EDIL3: variants seen among roughly 807,000 people sequenced by gnomAD.
The protein encoded by EDIL3 is EGF-like repeat and discoidin I-like domain-containing protein 3.
Under a neutral mutation model 67.4 loss-of-function variants are expected in EDIL3, and 37 were observed. The observed-to-expected ratio is 0.55, with a 90% CI of 0.42 to 0.72. The LOEUF is 0.72. Among genes scored for constraint, EDIL3 ranks in the 30% least tolerant of loss-of-function variants. The pLI, the probability that EDIL3 is intolerant of heterozygous loss-of-function variation, is 0.00. For synonymous variants in EDIL3, 195 were observed against 196.3 expected (o/e 0.99, Z 0.05); for missense variants, 527 against 586.3 (o/e 0.90, Z 1.04).
At chr5:83,993,797 T>C (rs1370077363) in intron 9 of EDIL3, among the ~76,000 whole-genome samples, 1 of 152,024 alleles carries the variant, frequency 6.6e-6, no homozygotes, top group Non-Finnish European at 1.5e-5. Flanking sequence ...GATAAGGGAG[T>C]GAGTGTGTTC....
chr5:84,205,605 A>T (rs961245796), intron 3 of EDIL3, among the ~76,000 whole-genome samples: 1 of 152,058 alleles, frequency 6.6e-6, no homozygotes, highest in Non-Finnish European at 1.5e-5. Context: ...TTATTGGTCT[A>T]TTCAGAGATT....
intron 9 of EDIL3, among the ~76,000 whole-genome samples, chr5:84,007,859 C>G (rs898676494): frequency 1.3e-5 from 2 of 152,036 alleles, no homozygotes; most frequent in Non-Finnish European, 2.9e-5. Context: ...TTCACAAGAG[C>G]CAAGATTTGG....
intron 1 of EDIL3, among the ~76,000 whole-genome samples, chr5:84,373,183 A>G (rs1747891982): frequency 6.6e-6 from 1 of 152,042 alleles, no homozygotes; most frequent in South Asian, 2.1e-4. Flanking sequence ...ACACCCCGTC[A>G]TTCCTTAAAG....
chr5:84,190,544 T>C (rs1743557500), intron 3 of EDIL3, among the ~76,000 whole-genome samples: 1 of 53,706 alleles, frequency 1.9e-5, no homozygotes, highest in African/African-American at 7.9e-5. Flanking sequence ...TACATATATA[T>C]ATATATATGT....
chr5:84,287,889 C>T (rs1045234632), intron 1 of EDIL3, among the ~76,000 whole-genome samples: 1 of 152,086 alleles, frequency 6.6e-6, no homozygotes, highest in African/African-American at 2.4e-5. Flanking sequence ...CTCCAGGGCT[C>T]AGTCCCTGGA....
At chr5:84,305,616 A>C (rs1561251647) in intron 1 of EDIL3, among the ~76,000 whole-genome samples, 1 of 152,216 alleles carries the variant, frequency 6.6e-6, no homozygotes, top group Non-Finnish European at 1.5e-5. Context: ...GCGGTGGCTC[A>C]CGCCTGTAAT....
At chr5:84,348,595 A>C (rs1168831926) in intron 1 of EDIL3, among the ~76,000 whole-genome samples, 1 of 2,320 alleles carries the variant, frequency 4.3e-4, no homozygotes, top group Non-Finnish European at 6.0e-3. Context: ...CTCTGTGGCA[A>C]AAAAAAAAAA....
intron 9 of EDIL3, among the ~76,000 whole-genome samples, chr5:84,054,763 G>C (rs1746411408): frequency 6.6e-6 from 1 of 151,638 alleles, no homozygotes; most frequent in African/African-American, 2.4e-5. Flanking sequence ...GGATGTGAAG[G>C]ACCTCTTCAA....
chr5:83,971,641 C>A (rs370907234), intron 9 of EDIL3, among the ~76,000 whole-genome samples: 15 of 151,646 alleles, frequency 9.9e-5, no homozygotes, highest in African/African-American at 3.4e-4. Flanking sequence ...TTTTCTTGTT[C>A]TGCACATTTA....
rs561826903 is a variant in EDIL3, at chr5:84,122,214, A to C, written c.469+15027T>G. The stretch of plus-strand genomic sequence containing the variant: ...CCCTTGTTTAGGTGGACTGTCCATA[A>C]CTCTTTCCTGCTCCCCTTCCAAAGG... On this transcript the variant is annotated intron_variant, in intron 5 of 10. Transcript: ENST00000296591. Among the ~76,000 whole-genome samples, 35 of 151,878 alleles carry C rather than the reference A, an allele frequency of 2.3e-4. No individual in the cohort carries two copies. The South Asian group carries it at 3.5e-3, about 15-fold the overall frequency.
chr5:84,228,978 T>C (rs929588747), intron 3 of EDIL3, among the ~76,000 whole-genome samples: 1 of 152,164 alleles, frequency 6.6e-6, no homozygotes, highest in Non-Finnish European at 1.5e-5. Context: ...CTTTTCTCAG[T>C]TACTAAAAAG....
chr5:84,362,113 A>G (rs1747624120), intron 1 of EDIL3, among the ~76,000 whole-genome samples: 1 of 152,120 alleles, frequency 6.6e-6, no homozygotes, highest in Non-Finnish European at 1.5e-5. Flanking sequence ...TTATAAACAT[A>G]TATTAACAGG....
chr5:83,965,764 AT>A (rs560906567), intron 9 of EDIL3, among the ~76,000 whole-genome samples: 1,661 of 148,176 alleles, frequency 0.011, 24 homozygotes, highest in African/African-American at 0.038. Flanking sequence ...CTTCTGCAAC[AT>A]TTTTTTTTTC....
chr5:84,018,606 T>C (rs982125241), intron 9 of EDIL3, among the ~76,000 whole-genome samples: 1 of 152,200 alleles, frequency 6.6e-6, no homozygotes, highest in Non-Finnish European at 1.5e-5. Flanking sequence ...TGATGGTCCC[T>C]GTCTTCAGTT....
chr5:84,369,962 C>A (rs1747811148), intron 1 of EDIL3, among the ~76,000 whole-genome samples: 1 of 152,064 alleles, frequency 6.6e-6, no homozygotes, highest in Non-Finnish European at 1.5e-5. Context: ...AATTTTAAAA[C>A]AAAGACTAGA....
intron 6 of EDIL3, among the ~76,000 whole-genome samples, chr5:84,086,501 A>G (rs949155374): frequency 3.3e-5 from 5 of 151,904 alleles, no homozygotes; most frequent in Non-Finnish European, 5.9e-5. Flanking sequence ...TAACCAATCC[A>G]GTGAGATGAA....
intron 9 of EDIL3, among the ~76,000 whole-genome samples, chr5:83,968,074 T>C (rs1010412323): frequency 2.0e-5 from 3 of 152,302 alleles, no homozygotes; most frequent in Middle Eastern, 6.8e-3. Context: ...CAGAATGTTT[T>C]ATCTTAACAT....
At chr5:84,165,098 C>G (rs952674830) in intron 4 of EDIL3, among the ~76,000 whole-genome samples, 40 of 152,154 alleles carry the variant, frequency 2.6e-4, no homozygotes, top group African/African-American at 9.6e-4. Context: ...AGATCAGGGT[C>G]AGATTTTTGG....
chr5:84,369,734 T>C (rs1009147970), intron 1 of EDIL3, among the ~76,000 whole-genome samples: 4 of 152,116 alleles, frequency 2.6e-5, no homozygotes, highest in Non-Finnish European at 4.4e-5. Flanking sequence ...AAAAACATGA[T>C]TGACATAGTA....
Sources: gnomAD v4.1 joint callset for allele counts (sites outside exome capture counted in the v4.1 genomes callset) on GRCh38, gnomAD v4.1.1 for gene constraint, MANE v1.5 for transcripts, NCBI Gene and HGNC (gene_info 2026-07-23, HGNC 2026-07-21) for gene names.